Variants in NRG3 observed in about 807,000 individuals in gnomAD.
NRG3 encodes the protein pro-neuregulin-3, membrane-bound isoform.
Under a neutral mutation model 66.9 loss-of-function variants are expected in NRG3, and 31 were observed. The ratio of observed to expected loss-of-function variants is 0.46; its 90% CI spans 0.35 to 0.63. NRG3 has a LOEUF of 0.63. NRG3 is among the 20% of genes least tolerant of loss of function. The pLI is 0.00. For missense variants in NRG3, 910 were observed against 878.9 expected, an observed-to-expected ratio of 1.04 and a Z score of -0.45; for synonymous variants, 393 against 359.4, an observed-to-expected ratio of 1.09 and a Z score of -1.06.
chr10:82,888,697 T>C (rs1165546909), intron 4 of NRG3, among the ~76,000 whole-genome samples: 1 of 152,018 alleles, frequency 6.6e-6, no homozygotes, highest in Non-Finnish European at 1.5e-5. Flanking sequence ...GGAGACTAAA[T>C]ATAAACAAGA....
chr10:82,842,375 C>T (rs894544029), intron 3 of NRG3, among the ~76,000 whole-genome samples: 1 of 152,120 alleles, frequency 6.6e-6, no homozygotes, highest in African/African-American at 2.4e-5. Context: ...CTCTTTTTTC[C>T]TTTCATATCT....
rs149649948 is a variant in NRG3, at chr10:82,816,494, C to T, written c.1028-48917C>T. On this transcript the variant is annotated intron_variant, in intron 3 of 8. Coordinates refer to ENST00000372141, the MANE Select transcript of NRG3 (RefSeq NM_001010848.4). ...GAGTCCAGCTGAGTCCAGGGTTTTCCTGGGCTTCAGAAGGGAGGAAATGCA... is the reference window on the plus strand; with the variant it reads ...GAGTCCAGCTGAGTCCAGGGTTTTCTTGGGCTTCAGAAGGGAGGAAATGCA... 6.7e-3 allele frequency among the ~76,000 whole-genome samples: 1,022 copies of T among 152,024 alleles called. 7 individuals are homozygous for T. Among genetic ancestry groups the T allele is most frequent in the African/African-American group, 0.023 (940 of 41,472 alleles).
chr10:81,977,215 C>A (rs2060156965), intron 1 of NRG3, among the ~76,000 whole-genome samples: 2 of 152,154 alleles, frequency 1.3e-5, no homozygotes, highest in East Asian at 1.9e-4. Context: ...TTGTAACAAT[C>A]TTTAGACCTG....
intron 1 of NRG3, among the ~76,000 whole-genome samples, chr10:81,936,022 G>A (rs1223311312): frequency 2.0e-5 from 3 of 152,050 alleles, no homozygotes; most frequent in Admixed American, 6.6e-5. Context: ...CAGCAGTGGC[G>A]TGTTTCAGTT....
At chr10:81,964,050 T>G (rs2059632132) in intron 1 of NRG3, among the ~76,000 whole-genome samples, 1 of 152,184 alleles carries the variant, frequency 6.6e-6, no homozygotes, top group African/African-American at 2.4e-5. Flanking sequence ...AAAATAAGTG[T>G]TCACATTAAT....
chr10:81,925,222 G>C (rs889987878), intron 1 of NRG3, among the ~76,000 whole-genome samples: 5 of 152,218 alleles, frequency 3.3e-5, no homozygotes, highest in Non-Finnish European at 7.3e-5. Context: ...GCAGCCATGG[G>C]CAGTGTAATC....
At chr10:82,219,313 G>C (rs2075832147) in intron 1 of NRG3, among the ~76,000 whole-genome samples, 1 of 146,514 alleles carries the variant, frequency 6.8e-6, no homozygotes, top group African/African-American at 2.5e-5. Flanking sequence ...AAAATTTTTT[G>C]GCAATAAAAA....
intron 1 of NRG3, among the ~76,000 whole-genome samples, chr10:82,090,378 A>G (rs182649076): frequency 7.5e-4 from 115 of 152,348 alleles, no homozygotes; most frequent in African/African-American, 2.6e-3. Flanking sequence ...AATGATCTCT[A>G]TCCTACTATG....
At chr10:82,343,060 CA>C (rs1439795238) in intron 1 of NRG3, among the ~76,000 whole-genome samples, 2 of 151,868 alleles carry the variant, frequency 1.3e-5, no homozygotes, top group Admixed American at 1.3e-4. Flanking sequence ...TTGACTTAGT[CA>C]AAGGTCAGTT....
intron 1 of NRG3, among the ~76,000 whole-genome samples, chr10:82,111,876 C>G (rs1047321472): frequency 8.5e-5 from 13 of 152,170 alleles, no homozygotes; most frequent in African/African-American, 2.9e-4. Flanking sequence ...TATAGCACCA[C>G]AAATCATCTA....
chr10:82,813,643 A>T (rs1316403298), intron 3 of NRG3, among the ~76,000 whole-genome samples: 2 of 152,152 alleles, frequency 1.3e-5, no homozygotes, highest in Non-Finnish European at 2.9e-5. Flanking sequence ...CTTTATTTGT[A>T]TTATCAACAA....
At chr10:82,970,035 T>C (rs1851582079) in intron 6 of NRG3, among the ~76,000 whole-genome samples, 1 of 152,220 alleles carries the variant, frequency 6.6e-6, no homozygotes. Context: ...TTTATGGACA[T>C]TTCTATTGTT....
intron 3 of NRG3, among the ~76,000 whole-genome samples, chr10:82,772,302 T>TTTCA (rs35732700): frequency 0.093 from 13,970 of 150,584 alleles, 830 homozygotes; most frequent in Middle Eastern, 0.17. Context: ...TATAGTTACT[T>TTTCA]TTCATTCATT....
intron 1 of NRG3, among the ~76,000 whole-genome samples, chr10:81,890,348 TA>T (rs924960526): frequency 4.7e-4 from 72 of 152,204 alleles, no homozygotes; most frequent in African/African-American, 1.7e-3. Context: ...AATTAATTTT[TA>T]AAAAAAATCT....
chr10:82,677,103 A>C (rs2053757000), intron 2 of NRG3, among the ~76,000 whole-genome samples: 1 of 144,088 alleles, frequency 6.9e-6, no homozygotes, highest in African/African-American at 2.6e-5. Context: ...TGTGTCACCC[A>C]GGCTGGGGCG....
intron 2 of NRG3, among the ~76,000 whole-genome samples, chr10:82,473,203 A>G (rs573714750): frequency 3.3e-4 from 50 of 152,330 alleles, no homozygotes; most frequent in Non-Finnish European, 6.2e-4. Flanking sequence ...CTATCAAGCT[A>G]AAATGGAGTG....
chr10:82,185,161 T>G (rs145448831), intron 1 of NRG3, among the ~76,000 whole-genome samples: 2,132 of 152,248 alleles, frequency 0.014, 24 homozygotes, highest in Non-Finnish European at 0.024. Flanking sequence ...AAGACTCTTT[T>G]GAGCTTTTTT....
intron 1 of NRG3, among the ~76,000 whole-genome samples, chr10:82,051,513 C>G (rs965408922): frequency 6.6e-6 from 1 of 151,512 alleles, no homozygotes; most frequent in Non-Finnish European, 1.5e-5. Flanking sequence ...CATGGATGAT[C>G]AGCTCATAGT....
chr10:82,152,182 C>T (rs1051020003), intron 1 of NRG3, among the ~76,000 whole-genome samples: 1 of 152,098 alleles, frequency 6.6e-6, no homozygotes, highest in Non-Finnish European at 1.5e-5. Flanking sequence ...TGGGTCTGTT[C>T]CAGTTAAACC....
Sources: gnomAD v4.1 joint callset for allele counts (sites outside exome capture counted in the v4.1 genomes callset) on GRCh38, gnomAD v4.1.1 for gene constraint, MANE v1.5 for transcripts, NCBI Gene and HGNC (gene_info 2026-07-23, HGNC 2026-07-21) for gene names.